Variants in BPTF observed in about 807,000 individuals in gnomAD.
BPTF encodes the protein bromodomain PHD finger transcription factor, also known as nucleosome-remodeling factor subunit BPTF.
Under a neutral mutation model 292.5 loss-of-function variants are expected in BPTF, and 18 were observed. The ratio of observed to expected loss-of-function variants is 0.06; its 90% CI spans 0.04 to 0.09. BPTF has a LOEUF of 0.09. BPTF is among the 10% of genes least tolerant of loss of function. The probability of loss-of-function intolerance (pLI) is 1.00; values close to 1 mark genes in which losing one functional copy is unlikely to be tolerated. For synonymous variants in BPTF, 1,225 were observed against 1,251.9 expected, an observed-to-expected ratio of 0.98 and a Z score of 0.45; for missense variants, 2,726 against 3,498.7, an observed-to-expected ratio of 0.78 and a Z score of 5.57.
intron 18 of BPTF, among the ~76,000 whole-genome samples, chr17:67,938,082 G>A (rs2065069651): frequency 6.6e-6 from 1 of 152,228 alleles, no homozygotes; most frequent in Non-Finnish European, 1.5e-5. Flanking sequence ...CTCAGCCTGG[G>A]CAATAGAGCG....
At chr17:67,882,970 T>A (rs1260645991) in intron 4 of BPTF, among the ~76,000 whole-genome samples, 1 of 131,980 alleles carries the variant, frequency 7.6e-6, no homozygotes, top group African/African-American at 3.0e-5. Context: ...GCCACTGCAC[T>A]CCAGCCTGGG....
chr17:67,954,027 C>T (rs137895315), intron 23 of BPTF, among the ~76,000 whole-genome samples: 60 of 114,754 alleles, frequency 5.2e-4, no homozygotes, highest in African/African-American at 2.1e-3. Flanking sequence ...TGTTCTGTTG[C>T]CCAGGCGGGA....
At chr17:67,870,955 G>A (rs913867548) in intron 3 of BPTF, among the ~76,000 whole-genome samples, 3 of 151,196 alleles carry the variant, frequency 2.0e-5, no homozygotes, top group South Asian at 2.1e-4. Flanking sequence ...ATTTTTAGTA[G>A]AGACGGGGTT....
chr17:67,864,261 C>T (rs1014912895), intron 2 of BPTF, among the ~76,000 whole-genome samples: 4 of 152,212 alleles, frequency 2.6e-5, no homozygotes, highest in East Asian at 1.9e-4. Context: ...TGCGGTGGCT[C>T]GTGCCTGTAA....
intron 25 of BPTF, among the ~76,000 whole-genome samples, chr17:67,964,770 G>A (rs749380767): frequency 5.4e-4 from 82 of 152,050 alleles, no homozygotes; most frequent in Non-Finnish European, 1.0e-3. Flanking sequence ...GGAGGCCAAG[G>A]TGGGCGGATC....
chr17:67,946,131 A>G lies in BPTF; in HGVS notation c.7423A>G (p.Ile2475Val), dbSNP rs782342872. ...QQIKLQLPIQIQQSSAVQTHQ... is the reference protein window; with the variant it reads ...QQIKLQLPIQVQQSSAVQTHQ... ...AATCAAACTCCAGTTACCTATCCAAATTCAGCAAAGCAGTGCTGTGCAGAC... is the reference window on the plus strand; with the variant it reads ...AATCAAACTCCAGTTACCTATCCAAGTTCAGCAAAGCAGTGCTGTGCAGAC... Residue 2475 changes from isoleucine (I) to valine (V), a missense_variant, in exon 21 of 28, where the codon ATT becomes GTT. Around this residue, in one of 22 missense-constraint regions of BPTF, gnomAD observed 570 missense variants for 633.5 expected, o/e 0.90. Coordinates refer to ENST00000306378, the MANE Select transcript of BPTF (RefSeq NM_182641.4). 8 of 1,614,194 alleles carry G rather than the reference A, an allele frequency of 5.0e-6. 1 individual carries two copies. In the South Asian group the frequency reaches 8.8e-5, roughly 18 times the overall value.
At chr17:67,833,162 G>A (rs1475270160) in intron 1 of BPTF, among the ~76,000 whole-genome samples, 1 of 151,842 alleles carries the variant, frequency 6.6e-6, no homozygotes, top group Non-Finnish European at 1.5e-5. Flanking sequence ...CCATCATTTA[G>A]CCTAATGTTT....
At chr17:67,867,260 G>A (rs2059445725) in intron 3 of BPTF, among the ~76,000 whole-genome samples, 2 of 152,096 alleles carry the variant, frequency 1.3e-5, no homozygotes, top group South Asian at 4.1e-4. Context: ...TTTAATTCAA[G>A]TATCTTATTA....
chr17:67,924,879 G>A (rs957102097), intron 15 of BPTF, among the ~76,000 whole-genome samples: 1 of 151,956 alleles, frequency 6.6e-6, no homozygotes, highest in African/African-American at 2.4e-5. Flanking sequence ...CTCCCTAGTA[G>A]TTGAGACTAC....
intron 3 of BPTF, among the ~76,000 whole-genome samples, chr17:67,870,648 A>G (rs1173826435): frequency 6.6e-6 from 1 of 152,148 alleles, no homozygotes; most frequent in East Asian, 1.9e-4. Context: ...AAACAATGGA[A>G]ACTACTGGGG....
intron 15 of BPTF, among the ~76,000 whole-genome samples, chr17:67,927,862 C>T (rs527427995): frequency 1.4e-4 from 21 of 151,942 alleles, no homozygotes; most frequent in Admixed American, 2.6e-4. Context: ...ATATATATGG[C>T]CTTCATCAAG....
At chr17:67,831,207 A>AG (rs1438360090) in intron 1 of BPTF, among the ~76,000 whole-genome samples, 4 of 152,170 alleles carry the variant, frequency 2.6e-5, no homozygotes. Context: ...GGCACTTTAG[A>AG]GTTCTTCAGG....
At chr17:67,872,115 T>G (rs1410700819) in intron 3 of BPTF, among the ~76,000 whole-genome samples, 1 of 152,200 alleles carries the variant, frequency 6.6e-6, no homozygotes, top group African/African-American at 2.4e-5. Context: ...CGTGAGCCAC[T>G]GCGCCCAGCC....
At chr17:67,924,473 C>A in intron 14 of BPTF, 74 bp from the exon 15 acceptor site, 1 of 1,419,512 alleles carries the variant, frequency 7.0e-7, no homozygotes, top group Non-Finnish European at 9.8e-7. Context: ...GAAAATCAAC[C>A]AGATTTCACT....
intron 4 of BPTF, among the ~76,000 whole-genome samples, chr17:67,888,511 A>G (rs966437758): frequency 6.9e-6 from 1 of 145,136 alleles, no homozygotes; most frequent in African/African-American, 2.5e-5. Context: ...AATTGCTTGA[A>G]CCCAGGAGGC....
intron 24 of BPTF, among the ~76,000 whole-genome samples, chr17:67,962,593 C>T (rs1266304392): frequency 2.0e-5 from 3 of 152,226 alleles, no homozygotes; most frequent in African/African-American, 7.2e-5. Flanking sequence ...GCATCTCCTT[C>T]CACGTTCCCT....
intron 11 of BPTF, among the ~76,000 whole-genome samples, chr17:67,916,876 C>G (rs1345613383): frequency 6.6e-6 from 1 of 151,350 alleles, no homozygotes; most frequent in Non-Finnish European, 1.5e-5. Context: ...TAGCCTTTGT[C>G]TACACCATAA....
Position 67,945,982 on chromosome 17 carries a change from T to G in BPTF, c.7274T>G (p.Ile2425Arg), listed in dbSNP as rs1417859021. Reference sequence around the variant, plus strand: ...TCCCCATCCCGTCCTCAGCTACAAATACAGCAGCCACAGCCCCAAGTCATT... The same window carrying G: ...TCCCCATCCCGTCCTCAGCTACAAAGACAGCAGCCACAGCCCCAAGTCATT... ...VSSPSRPQLQIQQPQPQVIAV... is the reference protein window; with the variant it reads ...VSSPSRPQLQRQQPQPQVIAV... The change falls in exon 21 of 28, where the codon ATA (isoleucine) becomes AGA (arginine). Residue 2425 changes from isoleucine to arginine, a missense_variant. Physicochemically the swap from Ile to Arg is moderately conservative, Grantham distance 97. Around this residue, in one of 22 missense-constraint regions of BPTF, gnomAD observed 570 missense variants for 633.5 expected, o/e 0.90. Coordinates refer to ENST00000306378, the MANE Select transcript of BPTF (RefSeq NM_182641.4). The G allele has an allele frequency of 3.7e-6, 6 of 1,614,022 alleles. No individual in the cohort carries two copies. The highest frequency in any genetic ancestry group is 4.2e-6 in the Non-Finnish European group (5 of 1,180,014).
intron 1 of BPTF, among the ~76,000 whole-genome samples, chr17:67,838,660 A>G (rs765501394): frequency 7.2e-5 from 11 of 152,096 alleles, no homozygotes; most frequent in Non-Finnish European, 1.6e-4. Context: ...ATATTTTTTT[A>G]GTAGAGACGA....
Sources: allele counts gnomAD v4.1 joint callset (sites outside exome capture counted in the v4.1 genomes callset), GRCh38; gene constraint gnomAD v4.1.1; regional missense constraint gnomAD v4.1.1; transcripts MANE v1.5; gene names NCBI Gene and HGNC (gene_info 2026-07-23, HGNC 2026-07-21).